TBC1D2B: variants seen among roughly 807,000 people sequenced by gnomAD.
TBC1D2B encodes TBC1 domain family, member 2B.
TBC1D2B carries 64 observed loss-of-function variants against 100.8 expected under a neutral mutation model. That is an observed-to-expected ratio of 0.64 (90% confidence interval 0.52 to 0.78). TBC1D2B has a LOEUF of 0.78. Ranked by LOEUF, TBC1D2B falls within the 30% of genes least tolerant of loss-of-function variation. The pLI is 0.00. For synonymous variants in TBC1D2B, 480 were observed against 479.7 expected (o/e 1.00, Z -0.01); for missense variants, 1,052 against 1,218.4 (o/e 0.86, Z 2.03).
In TBC1D2B at chr15:78,035,260, G is replaced by A. The variant is rs919055256; in HGVS notation, c.684-5090C>T. Among the ~76,000 whole-genome samples the A allele has an allele frequency of 2.6e-5, 4 of 152,276 alleles. No individual in the cohort carries two copies. In the East Asian group the frequency reaches 7.7e-4, roughly 29 times the overall value. The stretch of plus-strand genomic sequence containing the variant: ...ATCATCGTTAAGAAAACCTCTTTCC[G>A]GTGGAGGTCTGCACAGTTTAAAATG... On this transcript the variant is annotated intron_variant, in intron 3 of 12. Transcript: ENST00000300584.
intron 3 of TBC1D2B, among the ~76,000 whole-genome samples, chr15:78,031,928 G>T (rs527648754): frequency 1.3e-5 from 2 of 152,302 alleles, no homozygotes; most frequent in East Asian, 3.9e-4. Context: ...CAGTTTCCAG[G>T]CCAGGCTGCA....
chr15:78,046,366 T>C (rs1169935998), intron 2 of TBC1D2B, among the ~76,000 whole-genome samples: 1 of 152,246 alleles, frequency 6.6e-6, no homozygotes, highest in African/African-American at 2.4e-5. Flanking sequence ...ATAAACAGAA[T>C]TCAATATTAC....
rs747564144 is a variant in TBC1D2B, at chr15:78,044,235, T to C, written c.683+665A>G. On this transcript the variant is annotated intron_variant, in intron 3 of 12. Transcript: ENST00000300584. Reference sequence around the variant, plus strand: ...AACTCTGTGAATATACCAAAAATCATTGAATTGTACATTTTAAATGGGTGA... The same window carrying C: ...AACTCTGTGAATATACCAAAAATCACTGAATTGTACATTTTAAATGGGTGA... 4.2e-4 allele frequency among the ~76,000 whole-genome samples: 64 copies of C among 152,308 alleles called. 1 individual carries two copies. The highest frequency in any genetic ancestry group is 7.9e-4 in the Non-Finnish European group (54 of 68,022).
chr15:78,051,645 G>A (rs1238682573), intron 2 of TBC1D2B, among the ~76,000 whole-genome samples: 2 of 152,164 alleles, frequency 1.3e-5, no homozygotes, highest in African/African-American at 2.4e-5. Flanking sequence ...GGGTGACTAC[G>A]AGACAATACT....
intron 5 of TBC1D2B, among the ~76,000 whole-genome samples, 174 bp downstream of exon 5, chr15:78,025,085 A>G (rs2072623526): frequency 6.6e-6 from 1 of 152,184 alleles, no homozygotes; most frequent in South Asian, 2.1e-4. Context: ...ATGATCAAGC[A>G]CAGCAGCTGT....
chr15:78,062,937 T>C (rs1271688969), intron 1 of TBC1D2B, among the ~76,000 whole-genome samples: 2 of 152,174 alleles, frequency 1.3e-5, no homozygotes, highest in Middle Eastern at 3.2e-3. Flanking sequence ...TGGCTGGCTA[T>C]GTTAGGTATG....
intron 11 of TBC1D2B, 172 bp from the exon 12 acceptor site, chr15:78,001,912 G>C: frequency 1.6e-6 from 1 of 628,572 alleles, no homozygotes; most frequent in Non-Finnish European, 2.5e-6. Context: ...GCTAGGCCAA[G>C]ACTCCTTTAT....
chr15:78,035,150 G>A (rs570931934), intron 3 of TBC1D2B, among the ~76,000 whole-genome samples: 2 of 152,352 alleles, frequency 1.3e-5, no homozygotes, highest in Non-Finnish European at 2.9e-5. Context: ...GAAATAGAAA[G>A]TGAGGCACCA....
intron 12 of TBC1D2B, among the ~76,000 whole-genome samples, chr15:78,000,323 A>C (rs867846382): frequency 6.6e-6 from 1 of 152,078 alleles, no homozygotes; most frequent in Non-Finnish European, 1.5e-5. Flanking sequence ...ACGCCCACTC[A>C]CCTCCGCTCC....
Position 78,062,006 on chromosome 15 carries a change from C to T in TBC1D2B, c.361-7819G>A, listed in dbSNP as rs531798081. On this transcript the variant is annotated intron_variant, in intron 1 of 12. Coordinates refer to ENST00000300584, the MANE Select transcript of TBC1D2B (RefSeq NM_144572.2). ...CTATGCAGAAAATGAATGCCATGTGCACCATGATGCACTAGACGAGGAAAA... is the reference window on the plus strand; with the variant it reads ...CTATGCAGAAAATGAATGCCATGTGTACCATGATGCACTAGACGAGGAAAA... Among the ~76,000 whole-genome samples the T allele has an allele frequency of 8.5e-5, 13 of 152,242 alleles. No individual in the cohort carries two copies. The South Asian group carries it at 2.7e-3, about 32-fold the overall frequency.
chr15:78,051,161 G>A (rs1420879225), intron 2 of TBC1D2B, among the ~76,000 whole-genome samples: 1 of 152,216 alleles, frequency 6.6e-6, no homozygotes, highest in Admixed American at 6.5e-5. Context: ...TGCTTATCAT[G>A]TGAGACAAAT....
intron 8 of TBC1D2B, among the ~76,000 whole-genome samples, chr15:78,013,921 T>A: frequency 6.6e-6 from 1 of 152,288 alleles, no homozygotes; most frequent in African/African-American, 2.4e-5. Flanking sequence ...AATATCCTCA[T>A]GAGCCCTTCA....
intron 1 of TBC1D2B, among the ~76,000 whole-genome samples, chr15:78,072,930 T>G (rs2073763332): frequency 1.3e-5 from 2 of 152,116 alleles, no homozygotes; most frequent in Admixed American, 1.3e-4. Context: ...GGCATCCTGG[T>G]AAAGAACTGG....
chr15:78,019,196 T>G (rs1369688929), intron 6 of TBC1D2B, among the ~76,000 whole-genome samples: 1 of 152,204 alleles, frequency 6.6e-6, no homozygotes, highest in Non-Finnish European at 1.5e-5. Flanking sequence ...TGAAAATGGT[T>G]CAATGTTCCC....
chr15:78,052,078 A>G (rs1037433081), intron 2 of TBC1D2B, among the ~76,000 whole-genome samples: 1 of 152,178 alleles, frequency 6.6e-6, no homozygotes, highest in Non-Finnish European at 1.5e-5. Context: ...GCTCTCCCCC[A>G]GCTCTGGCTC....
In TBC1D2B at chr15:78,015,293, A is replaced by T. The variant is rs895211622; in HGVS notation, c.1775+1253T>A. ...GAGTGAGGAGGTAAAATGAAACTAT[A>T]TTGGCAAAACATTAACAATTGCTCA... On this transcript the variant is annotated intron_variant, in intron 8 of 12. Transcript: ENST00000300584. Among the ~76,000 whole-genome samples the T allele has an allele frequency of 2.6e-5, 4 of 152,180 alleles. No homozygotes were observed. The South Asian group carries it at 8.3e-4, about 31-fold the overall frequency.
At chr15:78,049,724 T>C (rs111600409) in intron 2 of TBC1D2B, among the ~76,000 whole-genome samples, 4 of 152,088 alleles carry the variant, frequency 2.6e-5, no homozygotes, top group African/African-American at 4.8e-5. Flanking sequence ...CTGTTCCACA[T>C]AGACTCCTTT....
intron 3 of TBC1D2B, among the ~76,000 whole-genome samples, chr15:78,044,555 G>C (rs1183141581): frequency 1.3e-5 from 2 of 152,196 alleles, no homozygotes; most frequent in African/African-American, 4.8e-5. Context: ...CTAGGCCCTA[G>C]GCACAAGAAG....
intron 6 of TBC1D2B, 48 bp downstream of exon 6, chr15:78,024,108 A>G (rs1206761018): frequency 6.4e-7 from 1 of 1,556,570 alleles, no homozygotes; most frequent in East Asian, 2.3e-5. Flanking sequence ...CTGGGGTGAC[A>G]TCGGTGGTCT....
Sources: allele counts gnomAD v4.1 joint callset (sites outside exome capture counted in the v4.1 genomes callset), GRCh38; gene constraint gnomAD v4.1.1; transcripts MANE v1.5; gene names NCBI Gene and HGNC (gene_info 2026-07-23, HGNC 2026-07-21).